Variants in COL5A2 observed in about 807,000 individuals in gnomAD.
The protein encoded by COL5A2 is collagen alpha-2(V) chain.
A neutral mutation model predicts 208.2 loss-of-function variants in COL5A2; 23 were observed. The observed-to-expected ratio is 0.11, with a 90% CI of 0.08 to 0.16. The LOEUF (loss-of-function observed/expected upper bound fraction) is 0.16, where lower values mean the gene tolerates loss of function less well. Among genes scored for constraint, COL5A2 ranks in the 10% least tolerant of loss-of-function variants. The probability of loss-of-function intolerance (pLI) is 1.00; values close to 1 mark genes in which losing one functional copy is unlikely to be tolerated. For synonymous variants in COL5A2, 625 were observed against 628.5 expected (o/e 0.99, Z 0.08); for missense variants, 1,590 against 1,956.4 (o/e 0.81, Z 3.53).
intron 1 of COL5A2, among the ~76,000 whole-genome samples, chr2:189,197,888 C>A (rs375105221): frequency 6.7e-6 from 1 of 149,612 alleles, no homozygotes; most frequent in African/African-American, 2.5e-5. Context: ...CTCGCTCTGT[C>A]ACCCAGGCTG....
chr2:189,201,510 A>G (rs187077705), intron 1 of COL5A2, among the ~76,000 whole-genome samples: 9 of 152,152 alleles, frequency 5.9e-5, no homozygotes, highest in Admixed American at 2.0e-4. Context: ...TCTAATTAGA[A>G]TCCTAGAAGG....
the COL5A2 span, among the ~76,000 whole-genome samples, chr2:189,331,077 T>C: frequency 1.3e-5 from 2 of 152,056 alleles, no homozygotes; most frequent in African/African-American, 4.8e-5. Context: ...CATGATAATA[T>C]AGAAAATTTG....
chr2:189,171,485 G>A (rs12991770), intron 1 of COL5A2, among the ~76,000 whole-genome samples: 80,764 of 152,050 alleles, frequency 0.53, 25,096 homozygotes, highest in East Asian at 0.72. Flanking sequence ...GGATGGAGAA[G>A]AGGTACACTT....
the COL5A2 span, among the ~76,000 whole-genome samples, chr2:189,423,654 G>A: frequency 6.6e-6 from 1 of 151,892 alleles, no homozygotes; most frequent in African/African-American, 2.4e-5. Flanking sequence ...ACACATACAA[G>A]ATTGAACTAT....
chr2:189,375,831 A>G, the COL5A2 span, among the ~76,000 whole-genome samples: 2 of 152,256 alleles, frequency 1.3e-5, no homozygotes, highest in East Asian at 1.9e-4. Context: ...CCTTTATATT[A>G]GCATGTTAAC....
At chr2:189,293,332 A>T in the COL5A2 span, among the ~76,000 whole-genome samples, 1 of 152,142 alleles carries the variant, frequency 6.6e-6, no homozygotes, top group Non-Finnish European at 1.5e-5. Context: ...TAATACTCCC[A>T]TGGGAGCAAT....
chr2:189,139,826 A>G (rs543153830), intron 1 of COL5A2, among the ~76,000 whole-genome samples: 1 of 152,204 alleles, frequency 6.6e-6, no homozygotes, highest in Non-Finnish European at 1.5e-5. Context: ...TGTAACCCCA[A>G]CACTTTGGGA....
intron 52 of COL5A2, among the ~76,000 whole-genome samples, chr2:189,035,535 T>C (rs547337931): frequency 6.6e-6 from 1 of 152,144 alleles, no homozygotes; most frequent in South Asian, 2.1e-4. Context: ...TATTACACAA[T>C]TGTAGGAAAT....
intron 1 of COL5A2, among the ~76,000 whole-genome samples, chr2:189,171,276 C>T (rs113059221): frequency 2.8e-4 from 42 of 152,016 alleles, no homozygotes; most frequent in African/African-American, 9.9e-4. Context: ...ATTCTTTCTA[C>T]AAGTTACAGG....
intron 8 of COL5A2, 110 bp downstream of exon 8, chr2:189,088,585 C>T: frequency 2.6e-6 from 2 of 773,550 alleles, no homozygotes; most frequent in Non-Finnish European, 4.6e-6. Context: ...GAATGTACGA[C>T]TGTGTTTAAG....
chr2:189,436,957 A>G, the COL5A2 span, among the ~76,000 whole-genome samples: 1 of 152,088 alleles, frequency 6.6e-6, no homozygotes, highest in African/African-American at 2.4e-5. Flanking sequence ...CATGGCACAC[A>G]TTTACCTATA....
the COL5A2 span, among the ~76,000 whole-genome samples, chr2:189,412,484 T>C: frequency 1.3e-5 from 2 of 152,214 alleles, no homozygotes; most frequent in Non-Finnish European, 2.9e-5. Context: ...AGAATAATTA[T>C]AATCTCTGGT....
At chr2:189,323,182 G>C in the COL5A2 span, among the ~76,000 whole-genome samples, 2 of 152,134 alleles carry the variant, frequency 1.3e-5, no homozygotes, top group East Asian at 1.9e-4. Flanking sequence ...AAAATAATAA[G>C]AGCTATTTAT....
chr2:189,349,925 C>T, the COL5A2 span, among the ~76,000 whole-genome samples: 3 of 152,072 alleles, frequency 2.0e-5, no homozygotes, highest in Non-Finnish European at 2.9e-5. Context: ...TTTAAGAAAA[C>T]CAGATGCAAG....
At chr2:189,392,540 C>T in the COL5A2 span, among the ~76,000 whole-genome samples, 1 of 152,146 alleles carries the variant, frequency 6.6e-6, no homozygotes, top group Non-Finnish European at 1.5e-5. Context: ...GACAAATATA[C>T]TTCCACATGC....
the COL5A2 span, among the ~76,000 whole-genome samples, chr2:189,278,094 T>C: frequency 6.6e-6 from 1 of 152,132 alleles, no homozygotes; most frequent in South Asian, 2.1e-4. Context: ...GCTAAGTCGC[T>C]ACAAAACAAC....
At chr2:189,117,826 T>C (rs1687423981) in intron 1 of COL5A2, among the ~76,000 whole-genome samples, 1 of 152,100 alleles carries the variant, frequency 6.6e-6, no homozygotes, top group Non-Finnish European at 1.5e-5. Flanking sequence ...CATGATAGAA[T>C]TATAGCTCTG....
At chr2:189,041,435 G>A in intron 50 of COL5A2, 151 bp downstream of exon 50, 2 of 697,158 alleles carry the variant, frequency 2.9e-6, no homozygotes, top group Non-Finnish European at 5.3e-6. Flanking sequence ...TAAAATACTT[G>A]AAATAGTTAC....
At chr2:189,324,149 T>TA in the COL5A2 span, among the ~76,000 whole-genome samples, 1 of 152,204 alleles carries the variant, frequency 6.6e-6, no homozygotes, top group East Asian at 1.9e-4. Flanking sequence ...ATCCCTTCCT[T>TA]ACACCTTATA....
Sources: gnomAD v4.1 joint callset for allele counts (sites outside exome capture counted in the v4.1 genomes callset) on GRCh38, gnomAD v4.1.1 for gene constraint, MANE v1.5 for transcripts, NCBI Gene and HGNC (gene_info 2026-07-23, HGNC 2026-07-21) for gene names.